The following DPP10 variants were observed in gnomAD, a reference collection of about 807,000 sequenced individuals.
DPP10 encodes the protein dipeptidyl peptidase like 10.
A neutral mutation model predicts 120.9 loss-of-function variants in DPP10; 33 were observed. The observed-to-expected ratio is 0.27, with a 90% CI of 0.21 to 0.37. DPP10 has a LOEUF of 0.37. Among genes scored for constraint, DPP10 ranks in the 10% least tolerant of loss-of-function variants. The pLI, the probability that DPP10 is intolerant of heterozygous loss-of-function variation, is 1.00. For missense variants in DPP10, 816 were observed against 942.8 expected (o/e 0.87, Z 1.76); for synonymous variants, 337 against 326.1 (o/e 1.03, Z -0.36).
At chr2:114,736,358 C>T (rs1308415222) in intron 1 of DPP10, among the ~76,000 whole-genome samples, 3 of 152,036 alleles carry the variant, frequency 2.0e-5, no homozygotes, top group Non-Finnish European at 4.4e-5. Flanking sequence ...GTTTCCACTG[C>T]CTAGCATGAT....
chr2:114,921,897 G>C (rs1373704519), intron 1 of DPP10, among the ~76,000 whole-genome samples: 2 of 152,310 alleles, frequency 1.3e-5, no homozygotes, highest in East Asian at 1.9e-4. Flanking sequence ...AAACACAGCA[G>C]CCTTTTCCCT....
intron 1 of DPP10, among the ~76,000 whole-genome samples, chr2:114,696,500 G>A (rs1461412107): frequency 6.6e-6 from 1 of 151,996 alleles, no homozygotes; most frequent in African/African-American, 2.4e-5. Flanking sequence ...TATATCCAGA[G>A]CCTATGGCTG....
Position 114,834,801 on chromosome 2 carries a change from GTATATATAAGCCATGTCTACA to G in DPP10, c.60+391964_60+391984del, listed in dbSNP as rs1558791585. ...ATATAAGCCATGTCTACACACCTAT[GTATATATAAGCCATGTCTACA>G]CACCTATGTATATATAAGCCATGTC... On this transcript the variant is annotated intron_variant, in intron 1 of 25. Transcript: ENST00000410059. 2.8e-3 allele frequency among the ~76,000 whole-genome samples: 409 copies of G among 148,334 alleles called. 12 individuals carry two copies. The highest frequency in any genetic ancestry group is 9.5e-3 in the African/African-American group (384 of 40,368).
intron 1 of DPP10, among the ~76,000 whole-genome samples, chr2:115,174,522 A>G (rs1573893765): frequency 1.3e-5 from 2 of 152,324 alleles, no homozygotes; most frequent in East Asian, 1.9e-4. Context: ...GGGTACTTAT[A>G]TATTTTCTAT....
chr2:115,256,263 G>A (rs540858234), intron 1 of DPP10, among the ~76,000 whole-genome samples: 3 of 134,322 alleles, frequency 2.2e-5, no homozygotes, highest in South Asian at 4.5e-4. Flanking sequence ...ATCAGATCTC[G>A]TGAGAATTCA....
At chr2:114,623,508 T>C (rs1694258451) in intron 1 of DPP10, among the ~76,000 whole-genome samples, 1 of 152,130 alleles carries the variant, frequency 6.6e-6, no homozygotes, top group Admixed American at 6.6e-5. Flanking sequence ...TGAGGGATTT[T>C]TATAAAACAG....
intron 1 of DPP10, among the ~76,000 whole-genome samples, chr2:114,905,075 T>C (rs547700591): frequency 6.6e-6 from 1 of 152,334 alleles, no homozygotes; most frequent in Admixed American, 6.5e-5. Context: ...TACTGTTTAT[T>C]GCTGGAATTA....
At chr2:114,585,550 G>T (rs1690896133) in intron 1 of DPP10, among the ~76,000 whole-genome samples, 1 of 152,112 alleles carries the variant, frequency 6.6e-6, no homozygotes, top group African/African-American at 2.4e-5. Flanking sequence ...TACATCAGGG[G>T]CCAGGGACTC....
chr2:114,717,949 T>A (rs1490400562), intron 1 of DPP10, among the ~76,000 whole-genome samples: 2 of 152,186 alleles, frequency 1.3e-5, no homozygotes, highest in African/African-American at 4.8e-5. Flanking sequence ...TGCTATTTTT[T>A]AACAAACTTT....
At chr2:114,641,223 T>G (rs1695681856) in intron 1 of DPP10, among the ~76,000 whole-genome samples, 1 of 152,010 alleles carries the variant, frequency 6.6e-6, no homozygotes, top group Non-Finnish European at 1.5e-5. Flanking sequence ...TCATTCTTCT[T>G]TCCATATCAC....
At chr2:115,240,870 A>G (rs1432791243) in intron 1 of DPP10, among the ~76,000 whole-genome samples, 2 of 152,234 alleles carry the variant, frequency 1.3e-5, no homozygotes, top group Non-Finnish European at 1.5e-5. Context: ...CTTATCAGCA[A>G]CACAGCTACA....
intron 21 of DPP10, among the ~76,000 whole-genome samples, chr2:115,816,280 C>T (rs191538667): frequency 3.9e-4 from 59 of 152,226 alleles, no homozygotes; most frequent in Middle Eastern, 3.4e-3. Flanking sequence ...TGCAGAAGCG[C>T]GGCCAGTGTC....
At chr2:115,057,193 T>A (rs1705993695) in intron 1 of DPP10, among the ~76,000 whole-genome samples, 1 of 152,174 alleles carries the variant, frequency 6.6e-6, no homozygotes, top group Non-Finnish European at 1.5e-5. Context: ...AAAGAAAATA[T>A]GCCCAGATAC....
intron 1 of DPP10, among the ~76,000 whole-genome samples, chr2:115,271,595 G>A (rs2059703735): frequency 1.3e-5 from 2 of 152,038 alleles, no homozygotes; most frequent in Admixed American, 1.3e-4. Context: ...CAGCCCAGAT[G>A]TCTTTTGAAA....
chr2:115,824,269 G>A lies in DPP10; in HGVS notation c.1950+8540G>A, dbSNP rs140063202. ...AATGTTTAATAAGGAGCTGGGATTT[G>A]GCGATGGCTGTGAGGCACGTTCTTT... is the stretch of plus-strand genomic sequence containing the variant. On this transcript the variant is annotated intron_variant, in intron 21 of 25. Transcript: ENST00000410059. Among the ~76,000 whole-genome samples the A allele has an allele frequency of 3.2e-3, 488 of 152,202 alleles. 4 individuals are homozygous for A. The highest frequency in any genetic ancestry group is 0.011 in the African/African-American group (460 of 41,522).
intron 5 of DPP10, among the ~76,000 whole-genome samples, chr2:115,641,079 ACTC>A (rs2149348779): frequency 6.6e-6 from 1 of 152,174 alleles, no homozygotes; most frequent in Admixed American, 6.5e-5. Context: ...ACAGGAAAGT[ACTC>A]CTGCAACAGC....
intron 1 of DPP10, among the ~76,000 whole-genome samples, chr2:114,641,314 T>G (rs1428234041): frequency 1.3e-5 from 2 of 152,008 alleles, no homozygotes; most frequent in Non-Finnish European, 2.9e-5. Context: ...TAAGTCACCT[T>G]GTTCTTGGCA....
chr2:114,848,364 T>A (rs1471262320), intron 1 of DPP10, among the ~76,000 whole-genome samples: 1 of 152,094 alleles, frequency 6.6e-6, no homozygotes, highest in African/African-American at 2.4e-5. Flanking sequence ...CAAAAGCAAC[T>A]TAAAACTACT....
chr2:114,670,749 C>A (rs1174904854), intron 1 of DPP10, among the ~76,000 whole-genome samples: 1 of 151,892 alleles, frequency 6.6e-6, no homozygotes, highest in Admixed American at 6.6e-5. Flanking sequence ...TCATAAAGAA[C>A]AAGTTGTATT....
Sources: allele counts gnomAD v4.1 joint callset (sites outside exome capture counted in the v4.1 genomes callset), GRCh38; gene constraint gnomAD v4.1.1; transcripts MANE v1.5; gene names NCBI Gene and HGNC (gene_info 2026-07-23, HGNC 2026-07-21).